TARBP1: variants seen among roughly 807,000 people sequenced by gnomAD.
The protein encoded by TARBP1 is tRNA (guanosine(18)-2'-O)-methyltransferase TARBP1.
A neutral mutation model predicts 178.6 loss-of-function variants in TARBP1; 144 were observed. The ratio of observed to expected loss-of-function variants is 0.81; its 90% CI spans 0.70 to 0.93. The LOEUF (loss-of-function observed/expected upper bound fraction) is 0.93. Among genes scored for constraint, TARBP1 ranks in the 40% least tolerant of loss-of-function variants. TARBP1 has a pLI of 0.00. For missense variants in TARBP1, 2,067 were observed against 2,011.7 expected, an observed-to-expected ratio of 1.03 and a Z score of -0.53; for synonymous variants, 787 against 781.0, an observed-to-expected ratio of 1.01 and a Z score of -0.13.
rs769107699 is a variant in TARBP1 at position 234,460,348 on chromosome 1, C to A, written c.1448G>T (p.Cys483Phe). The A allele has an allele frequency of 6.2e-7, 1 of 1,614,198 alleles. No individual in the cohort carries two copies. Among genetic ancestry groups the A allele is most frequent in the Non-Finnish European group, 8.5e-7 (1 of 1,180,020 alleles). ...FIRKMTSRHW[C>F]AVPILFLSKA... is the part of the protein sequence containing the mutation. ...AGATAGAAACAAAATGGGAACAGCA[C>A]ACCAATGCCTACTTGTCATCTTCCG... Residue 483 changes from cysteine to phenylalanine, a missense_variant, in exon 7 of 30, where the codon TGT becomes TTT. Transcript: ENST00000040877.
chr1:234,410,650 C>A, intron 22 of TARBP1, 119 bp from the exon 23 acceptor site: 2 of 624,786 alleles, frequency 3.2e-6, no homozygotes, highest in South Asian at 3.6e-5. Context: ...TTCCCTGGAA[C>A]AGCCCGGGGT....
chr1:234,450,692 A>G, intron 9 of TARBP1, 126 bp from the exon 10 acceptor site: 1 of 1,087,910 alleles, frequency 9.2e-7, no homozygotes, highest in Non-Finnish European at 1.3e-6. Flanking sequence ...ACAAAGTAAT[A>G]AACCATTTAC....
rs746802203 is a variant in TARBP1 at position 234,457,702 on chromosome 1, C to A, written c.1687G>T (p.Glu563Ter). 1.2e-6 allele frequency: 2 copies of A among 1,609,890 alleles called. No homozygotes were observed. Among genetic ancestry groups the A allele is most frequent in the South Asian group, 1.1e-5 (1 of 90,896 alleles). The change falls in exon 9 of 30, where the codon GAA becomes TAA. Residue 563 changes from glutamate to a stop codon, truncating the protein, a stop_gained. Transcript: ENST00000040877. LOFTEE classifies it high-confidence loss of function. Reference protein sequence around the residue: ...STFLMSLRQEESLGRGTSLWT... With the variant: ...STFLMSLRQE ...AATGAAGTTCCTCGTCCTAAGGATT[C>A]CTCTTGTCTCAGAGACATGAGAAAA...
At position 234,418,099 on chromosome 1, in the gene TARBP1, C is replaced by A; in HGVS notation, c.3690G>T (p.Trp1230Cys). 5.0e-6 allele frequency: 7 copies of A among 1,393,108 alleles called. No homozygotes were observed. Among genetic ancestry groups the A allele is most frequent in the Admixed American group, 2.7e-5 (1 of 36,480 alleles). 86.3% of individuals were successfully genotyped at this position (1,393,108 alleles called of 1,614,324 possible). The change falls in exon 22 of 30, where the codon TGG (tryptophan) becomes TGT (cysteine). Residue 1230 changes from tryptophan to cysteine, a missense_variant. Trp to Cys is a radical substitution (Grantham distance 215, BLOSUM62 -2). Coordinates refer to ENST00000040877, the MANE Select transcript of TARBP1 (RefSeq NM_005646.4). Reference sequence around the variant, plus strand: ...CTTTACTTACATAAGAAAAACAATCCCAGAACTTTGGAAGAAATTGAGGGA... The same window carrying A: ...CTTTACTTACATAAGAAAAACAATCACAGAACTTTGGAAGAAATTGAGGGA... ...HKFPQFLPKF[W>C]DCFSYGEENL... is the part of the protein sequence containing the mutation.
At position 234,436,816 on chromosome 1, in the gene TARBP1, T is replaced by A. The variant is rs370501129; in HGVS notation, c.2232+459A>T. Among the ~76,000 whole-genome samples, 112 of 152,170 alleles carry A rather than the reference T, an allele frequency of 7.4e-4. 1 individual carries two copies. The South Asian group carries it at 0.022, about 30-fold the overall frequency. On this transcript the variant is annotated intron_variant, in intron 13 of 29. Coordinates refer to ENST00000040877, the MANE Select transcript of TARBP1 (RefSeq NM_005646.4). ...TCCCAAAAGAACAAATTATGTACAG[T>A]CTAGAGACAGAGAAGACAGCTACAG...
At position 234,478,937 on chromosome 1, in the gene TARBP1, G is replaced by A; in HGVS notation, c.167C>T (p.Ala56Val). The A allele has an allele frequency of 2.1e-6, 3 of 1,441,378 alleles. No homozygotes were observed. The highest frequency in any genetic ancestry group is 2.7e-6 in the Non-Finnish European group (3 of 1,106,202). 89.3% of individuals were successfully genotyped at this position (1,441,378 alleles called of 1,614,324 possible). A position where few individuals can be genotyped will look rare whatever the true frequency, so the allele number is the denominator to read the frequency against. The change falls in exon 1 of 30, where the codon GCG (alanine) becomes GTG (valine). Residue 56 changes from alanine (A) to valine (V), a missense_variant. Coordinates refer to ENST00000040877, the MANE Select transcript of TARBP1 (RefSeq NM_005646.4). ...CACCTCGCGCGCCGCCTCCGGGAGC[G>A]CGCCTGCGCCCCCGCTGCCGCGCGC... ...EEARGSGGAGALPEAAREVAA... is the reference protein window; with the variant it reads ...EEARGSGGAGVLPEAAREVAA...
At position 234,398,478 on chromosome 1, in the gene TARBP1, A is replaced by G; in HGVS notation, c.4147T>C (p.Phe1383Leu). 1 of 1,611,934 alleles carries G rather than the reference A, an allele frequency of 6.2e-7. No homozygotes were observed. Among genetic ancestry groups the G allele is most frequent in the Non-Finnish European group, 8.5e-7 (1 of 1,178,584 alleles). Residue 1383 changes from phenylalanine (F) to leucine (L), a missense_variant, in exon 26 of 30, where the codon TTC (phenylalanine) becomes CTC (leucine). Transcript: ENST00000040877. ...EWITIDKFTR[F>L]TDVPLAAGFQ... ...CCCGCAGCTAAAGGAACATCAGTGAATCTGGTAAATTTATCAATGGTGATC... is the reference window on the plus strand; with the variant it reads ...CCCGCAGCTAAAGGAACATCAGTGAGTCTGGTAAATTTATCAATGGTGATC...
chr1:234,476,939 G>A (rs964437250), intron 1 of TARBP1, among the ~76,000 whole-genome samples: 1 of 152,126 alleles, frequency 6.6e-6, no homozygotes, highest in African/African-American at 2.4e-5. Context: ...TAATCCCAGC[G>A]CTTTGGGAGG....
Position 234,429,420 on chromosome 1 carries a change from G to C in TARBP1, c.2867C>G (p.Pro956Arg). The C allele has an allele frequency of 1.2e-6, 2 of 1,608,998 alleles. No individual in the cohort carries two copies. Among genetic ancestry groups the C allele is most frequent in the Non-Finnish European group, 1.7e-6 (2 of 1,178,274 alleles). Residue 956 changes from proline (P) to arginine (R), a missense_variant, in exon 16 of 30, where the codon CCC becomes CGC. Physicochemically the swap from Pro to Arg is moderately radical, Grantham distance 103 (BLOSUM62 -2). Coordinates refer to ENST00000040877, the MANE Select transcript of TARBP1 (RefSeq NM_005646.4). ...TCATGTTTCACTCTATCTTACCTTG[G>C]GAACCAACACTTTCAAGCAATGGAA... ...PVFHCLKVLV[P>R]KLLTSSESLC...
intron 22 of TARBP1, among the ~76,000 whole-genome samples, chr1:234,416,062 A>G (rs1216216093): frequency 6.6e-6 from 1 of 152,240 alleles, no homozygotes; most frequent in Non-Finnish European, 1.5e-5. Context: ...CTAAGCAAAT[A>G]AAAGTAACAA....
At chr1:234,407,016 G>A (rs1315125678) in intron 23 of TARBP1, 1 of 152,206 alleles carries the variant, frequency 6.6e-6, no homozygotes, top group Admixed American at 6.5e-5. Context: ...AAGTTTCTCT[G>A]AGAAGGATAA....
Position 234,406,007 on chromosome 1 carries a change from C to T in TARBP1, c.3885G>A (p.Lys1295=), listed in dbSNP as rs1661201409. The change falls in exon 24 of 30, where the codon AAG becomes AAA. Residue 1295 remains lysine, a synonymous_variant. Coordinates refer to ENST00000040877, the MANE Select transcript of TARBP1 (RefSeq NM_005646.4). ...SVRLYALVAL[K]KLWTVCKVLS... ...ACACTTTACACACAGTCCAGAGTTTCTTAAGAGCAACTAAAGCATACAGTC... is the reference window on the plus strand; with the variant it reads ...ACACTTTACACACAGTCCAGAGTTTTTTAAGAGCAACTAAAGCATACAGTC... The T allele has an allele frequency of 1.2e-6, 2 of 1,614,182 alleles. No individual in the cohort carries two copies. Among genetic ancestry groups the T allele is most frequent in the Non-Finnish European group, 1.7e-6 (2 of 1,180,020 alleles).
At chr1:234,410,004 T>C (rs1661636053) in intron 23 of TARBP1, among the ~76,000 whole-genome samples, 1 of 152,208 alleles carries the variant, frequency 6.6e-6, no homozygotes, top group Non-Finnish European at 1.5e-5. Flanking sequence ...CTCCAAATGA[T>C]GACAGTCATT....
intron 20 of TARBP1, among the ~76,000 whole-genome samples, chr1:234,424,098 A>C (rs947275106): frequency 6.6e-6 from 1 of 152,216 alleles, no homozygotes. Context: ...TTATATAATA[A>C]AGCTGACCTG....
chr1:234,436,364 C>T (rs1484967191), intron 13 of TARBP1, among the ~76,000 whole-genome samples: 1 of 152,108 alleles, frequency 6.6e-6, no homozygotes, highest in Non-Finnish European at 1.5e-5. Context: ...TACACTGATT[C>T]TGTACCCACA....
intron 20 of TARBP1, 42 bp downstream of exon 20, chr1:234,425,631 G>A: frequency 5.1e-6 from 8 of 1,583,858 alleles, no homozygotes; most frequent in Non-Finnish European, 6.9e-6. Flanking sequence ...GTTGACCTCT[G>A]ACTGTTAAAA....
rs774533654 is a variant in TARBP1, at chr1:234,427,776, A to C, written c.3061-10T>G. 1 of 1,396,944 alleles carries C rather than the reference A, an allele frequency of 7.2e-7. No individual in the cohort carries two copies. The highest frequency in any genetic ancestry group is 2.7e-5 in the East Asian group (1 of 37,148). 86.5% of individuals were successfully genotyped at this position (1,396,944 alleles called of 1,614,324 possible). A position where few individuals can be genotyped will look rare whatever the true frequency, so the allele number is the denominator to read the frequency against. On this transcript the variant is annotated splice_polypyrimidine_tract_variant and intron_variant, in intron 17 of 29. Transcript: ENST00000040877. ...TTATCTTGTACATAATCTGGAATAA[A>C]ATACAACCGTCATTTTATCCTTGAT...
At chr1:234,393,334 C>CT in intron 28 of TARBP1, 28 bp downstream of exon 28, 1 of 1,458,998 alleles carries the variant, frequency 6.9e-7, no homozygotes, top group Non-Finnish European at 9.1e-7. Context: ...GTTTTAAGAA[C>CT]TTTAATAATA....
At chr1:234,419,217 T>G (rs1291483573) in intron 21 of TARBP1, among the ~76,000 whole-genome samples, 1 of 151,982 alleles carries the variant, frequency 6.6e-6, no homozygotes, top group Non-Finnish European at 1.5e-5. Context: ...ATAAAAGTAA[T>G]ATGTATTATG....
Sources: gnomAD v4.1 joint callset for allele counts (sites outside exome capture counted in the v4.1 genomes callset) on GRCh38, gnomAD v4.1.1 for gene constraint, MANE v1.5 for transcripts, NCBI Gene and HGNC (gene_info 2026-07-23, HGNC 2026-07-21) for gene names.